Variants in ASB5 observed in about 807,000 individuals in gnomAD.
ASB5 encodes the protein ankyrin repeat and SOCS box containing 5, also known as ankyrin repeat and SOCS box protein 5.
In ASB5, 45 loss-of-function variants were observed where a neutral mutation model predicts 42.1. The observed-to-expected ratio is 1.07, with a 90% CI of 0.84 to 1.37. ASB5 has a LOEUF of 1.37. Among genes scored for constraint, ASB5 ranks in the 40% most tolerant of loss-of-function variants. The pLI is 0.00. For missense variants in ASB5, 402 were observed against 399.8 expected (o/e 1.01, Z -0.05); for synonymous variants, 147 against 150.6 (o/e 0.98, Z 0.18).
chr4:176,231,225 A>ATT (rs35699083), intron 1 of ASB5, among the ~76,000 whole-genome samples: 19 of 149,700 alleles, frequency 1.3e-4, no homozygotes, highest in East Asian at 2.0e-4. Context: ...CCGACTCATA[A>ATT]TTTTTTTTTT....
intron 1 of ASB5, among the ~76,000 whole-genome samples, chr4:176,225,741 C>G (rs1262241567): frequency 6.6e-6 from 1 of 152,090 alleles, no homozygotes; most frequent in Non-Finnish European, 1.5e-5. Flanking sequence ...AGGCGCACAC[C>G]ACCACGCCCG....
At position 176,253,131 on chromosome 4, in the gene ASB5, G is replaced by C. The variant is rs369942565; in HGVS notation, c.196+15782C>G. Among the ~76,000 whole-genome samples, 159 of 152,262 alleles carry C rather than the reference G, an allele frequency of 1.0e-3. 1 individual carries two copies. Among genetic ancestry groups the C allele is most frequent in the African/African-American group, 3.7e-3 (155 of 41,550 alleles). ...ATGAGACTTACTTTATGTTGAAGAG[G>C]ATGTTTACTTTTTTCCATTTCTCAT... is the stretch of plus-strand genomic sequence containing the variant. On this transcript the variant is annotated intron_variant, in intron 1 of 6. Transcript: ENST00000296525.
chr4:176,272,630 C>G (rs912621160), upstream of ASB5, among the ~76,000 whole-genome samples: 5 of 152,184 alleles, frequency 3.3e-5, no homozygotes, highest in African/African-American at 1.2e-4. Context: ...CTCTTGCTCA[C>G]TCTTCTCCTT....
At chr4:176,222,207 T>A (rs1047328480) in intron 3 of ASB5, 106 bp downstream of exon 3, 2 of 1,013,678 alleles carry the variant, frequency 2.0e-6, no homozygotes, top group Non-Finnish European at 2.9e-6. Flanking sequence ...TATTCTGCTA[T>A]TTTTGAAAAC....
intron 1 of ASB5, among the ~76,000 whole-genome samples, chr4:176,250,106 A>G (rs901057305): frequency 6.6e-6 from 1 of 151,992 alleles, no homozygotes; most frequent in African/African-American, 2.4e-5. Context: ...AAGTGAGTTA[A>G]GTGAAATATC....
chr4:176,245,521 A>G (rs1334922800), intron 1 of ASB5, among the ~76,000 whole-genome samples: 1 of 152,222 alleles, frequency 6.6e-6, no homozygotes, highest in Non-Finnish European at 1.5e-5. Flanking sequence ...TAGATATACC[A>G]TTTGACGCAG....
At chr4:176,249,816 C>T (rs932484844) in intron 1 of ASB5, among the ~76,000 whole-genome samples, 1 of 151,686 alleles carries the variant, frequency 6.6e-6, no homozygotes, top group African/African-American at 2.4e-5. Flanking sequence ...CTGTAATCCC[C>T]GCACTTTGGG....
At chr4:176,270,995 C>T (rs1202726529), upstream of ASB5, among the ~76,000 whole-genome samples, 1 of 152,184 alleles carries the variant, frequency 6.6e-6, no homozygotes, top group Admixed American at 6.5e-5. Context: ...ATTGTCTTCG[C>T]ATGAGCTAAT....
At chr4:176,243,976 C>A (rs1267373484) in intron 1 of ASB5, among the ~76,000 whole-genome samples, 1 of 152,174 alleles carries the variant, frequency 6.6e-6, no homozygotes, top group Non-Finnish European at 1.5e-5. Context: ...AAAATTCAAT[C>A]TGAACATTGT....
At chr4:176,241,384 T>C (rs1753807873) in intron 1 of ASB5, 2 of 1,178,704 alleles carry the variant, frequency 1.7e-6, no homozygotes, top group Admixed American at 5.9e-5. Flanking sequence ...TACTCCAAAA[T>C]TACTATTAAG....
At chr4:176,223,994 C>T (rs1025430637) in intron 2 of ASB5, among the ~76,000 whole-genome samples, 1 of 152,098 alleles carries the variant, frequency 6.6e-6, no homozygotes, top group African/African-American at 2.4e-5. Context: ...TATCACAGAA[C>T]TGGAAGGCCC....
chr4:176,243,649 T>C (rs1041026623), intron 1 of ASB5, among the ~76,000 whole-genome samples: 1 of 152,082 alleles, frequency 6.6e-6, no homozygotes, highest in Non-Finnish European at 1.5e-5. Flanking sequence ...ATTACAGGCA[T>C]GCGCCACTAT....
At chr4:176,236,018 T>C (rs1179368049) in intron 1 of ASB5, among the ~76,000 whole-genome samples, 3 of 152,146 alleles carry the variant, frequency 2.0e-5, no homozygotes, top group Admixed American at 6.5e-5. Flanking sequence ...CCTGGCTCTA[T>C]ATTTTCAGTA....
intron 2 of ASB5, 62 bp downstream of exon 2, chr4:176,225,200 T>C: frequency 1.4e-6 from 2 of 1,382,672 alleles, no homozygotes; most frequent in South Asian, 1.2e-5. Flanking sequence ...CATTGATTGG[T>C]TTTGACCATG....
intron 1 of ASB5, among the ~76,000 whole-genome samples, chr4:176,245,104 A>G (rs942340502): frequency 4.6e-5 from 7 of 152,246 alleles, no homozygotes; most frequent in African/African-American, 2.4e-5. Context: ...GAGATACGTT[A>G]TGAAGCTATG....
At chr4:176,223,788 T>C (rs1753291758) in intron 2 of ASB5, among the ~76,000 whole-genome samples, 1 of 152,188 alleles carries the variant, frequency 6.6e-6, no homozygotes, top group Admixed American at 6.5e-5. Context: ...CATCGGGCTC[T>C]GGGGACAGCC....
chr4:176,241,557 G>A lies in ASB5; in HGVS notation c.197-16216C>T, dbSNP rs1190355828. 8 of 1,518,748 alleles carry A rather than the reference G, an allele frequency of 5.3e-6. No individual in the cohort carries two copies. In the African/African-American group the frequency reaches 9.8e-5, roughly 19 times the overall value. The allele number at this position is 1,518,748 out of a possible 1,614,324, so 94.1% of individuals were successfully genotyped here. A position where few individuals can be genotyped will look rare whatever the true frequency, so the allele number is the denominator to read the frequency against. ...GTGCTGCTTTGGGTTTCTTTACAAG[G>A]CCGTGCCCTCATACAACCTTTAGGA... On this transcript the variant is annotated intron_variant, in intron 1 of 6. Coordinates refer to ENST00000296525, the MANE Select transcript of ASB5 (RefSeq NM_080874.4).
In ASB5 at chr4:176,215,082, T is replaced by C. The variant is rs923774493; in HGVS notation, c.*518A>G. Reference sequence around the variant, plus strand: ...TATCTTTATGAAGTGTTCATTCTAATGACCAGTGGACATTCAACATAGTGG... The same window carrying C: ...TATCTTTATGAAGTGTTCATTCTAACGACCAGTGGACATTCAACATAGTGG... On this transcript the variant is annotated 3_prime_UTR_variant, in exon 7 of 7. Transcript: ENST00000296525. The C allele has an allele frequency of 6.6e-6, 1 of 152,350 alleles. No homozygotes were observed. The highest frequency in any genetic ancestry group is 1.5e-5 in the Non-Finnish European group (1 of 68,192). The allele number at this position is 152,350 out of a possible 1,614,324, so 9.4% of individuals were successfully genotyped here.
chr4:176,269,148 A>T lies in ASB5; in HGVS notation c.-40T>A. On this transcript the variant is annotated 5_prime_UTR_variant, in exon 1 of 7. In the 5' UTR this introduces an upstream ATG that the reference lacks. Coordinates refer to ENST00000296525, the MANE Select transcript of ASB5 (RefSeq NM_080874.4). ...CTGCGGCGGTCTTTAGTTGGATCCA[A>T]GTCTCAAATGTGCCTGGCTCTCGTC... 6.3e-7 allele frequency: 1 copy of T among 1,577,626 alleles called. No homozygotes were observed. Among genetic ancestry groups the T allele is most frequent in the Non-Finnish European group, 8.6e-7 (1 of 1,157,012 alleles).
Sources: gnomAD v4.1 joint callset for allele counts (sites outside exome capture counted in the v4.1 genomes callset) on GRCh38, gnomAD v4.1.1 for gene constraint, MANE v1.5 for transcripts, NCBI Gene and HGNC (gene_info 2026-07-23, HGNC 2026-07-21) for gene names.